Variants in GALNT16 observed in about 807,000 individuals in gnomAD.
GALNT16 encodes polypeptide N-acetylgalactosaminyltransferase 16, also known as UDP-GalNAc:polypeptide N-acetylgalactosaminyltransferase-like protein 1.
Under a neutral mutation model 76.1 loss-of-function variants are expected in GALNT16, and 40 were observed. The observed-to-expected ratio is 0.53, with a 90% CI of 0.41 to 0.68. GALNT16 has a LOEUF of 0.68. Ranked by LOEUF, GALNT16 falls within the 30% of genes least tolerant of loss-of-function variation. The pLI, the probability that GALNT16 is intolerant of heterozygous loss-of-function variation, is 0.00. For synonymous variants in GALNT16, 276 were observed against 285.2 expected (o/e 0.97, Z 0.32); for missense variants, 621 against 731.9 (o/e 0.85, Z 1.75).
intron 1 of GALNT16, among the ~76,000 whole-genome samples, chr14:69,278,475 A>G (rs2140112994): frequency 6.6e-6 from 1 of 152,362 alleles, no homozygotes; most frequent in East Asian, 1.9e-4. Context: ...AAAGGAAATT[A>G]TAGATTCTAT....
At chr14:69,284,656 A>G (rs7140297) in intron 1 of GALNT16, among the ~76,000 whole-genome samples, 87,261 of 152,004 alleles carry the variant, frequency 0.57, 25,506 homozygotes, top group South Asian at 0.76. Context: ...CTGTGTGAAC[A>G]TGGGCAAAGT....
intron 1 of GALNT16, among the ~76,000 whole-genome samples, chr14:69,282,596 C>G (rs1355634518): frequency 6.6e-6 from 1 of 151,534 alleles, no homozygotes; most frequent in African/African-American, 2.4e-5. Context: ...GGCCCTGTAT[C>G]TGCTCTAAGT....
intron 1 of GALNT16, among the ~76,000 whole-genome samples, chr14:69,284,373 G>A (rs753216232): frequency 8.5e-5 from 13 of 152,226 alleles, no homozygotes; most frequent in Non-Finnish European, 1.8e-4. Flanking sequence ...TCCCAGCAGC[G>A]TGTCAGCTCC....
At chr14:69,341,939 G>T (rs538359393) in intron 12 of GALNT16, among the ~76,000 whole-genome samples, 175 bp downstream of exon 12, 1 of 152,172 alleles carries the variant, frequency 6.6e-6, no homozygotes, top group African/African-American at 2.4e-5. Flanking sequence ...ATTACTAGGG[G>T]TTATAAATTA....
chr14:69,325,469 C>A, intron 4 of GALNT16, 65 bp downstream of exon 4: 2 of 951,496 alleles, frequency 2.1e-6, no homozygotes, highest in Non-Finnish European at 3.5e-6. Context: ...CCCAGAACAC[C>A]AAGGCAAGCA....
At chr14:69,294,806 A>G (rs72722132) in intron 1 of GALNT16, among the ~76,000 whole-genome samples, 18,871 of 151,944 alleles carry the variant, frequency 0.12, 1,362 homozygotes, top group East Asian at 0.31. Context: ...CTGGATTTGA[A>G]CTCCTAGGCT....
intron 1 of GALNT16, among the ~76,000 whole-genome samples, chr14:69,273,034 A>G (rs1175429853): frequency 2.6e-5 from 4 of 152,238 alleles, no homozygotes; most frequent in African/African-American, 4.8e-5. Context: ...ATCCTAGTTT[A>G]CCTTGACTTC....
intron 1 of GALNT16, among the ~76,000 whole-genome samples, chr14:69,281,417 G>C (rs998925108): frequency 4.6e-5 from 7 of 152,172 alleles, no homozygotes; most frequent in African/African-American, 1.7e-4. Context: ...TTCAGCTCCA[G>C]ACCTTGTTAG....
chr14:69,324,706 C>T lies in GALNT16; in HGVS notation c.350C>T (p.Ser117Phe). Residue 117 changes from serine to phenylalanine, a missense_variant, in exon 3 of 15, where the codon TCC becomes TTC. Physicochemically the swap from Ser to Phe is radical, Grantham distance 155. Transcript: ENST00000448469. ...DTRHYSCPSV[S>F]YSSDLPATSV... Reference sequence around the variant, plus strand: ...TCCCTTCTCAGCTGCCCATCTGTGTCCTACTCCTCGGACCTGCCAGCCACC... The same window carrying T: ...TCCCTTCTCAGCTGCCCATCTGTGTTCTACTCCTCGGACCTGCCAGCCACC... The T allele has an allele frequency of 6.2e-7, 1 of 1,610,198 alleles. No individual in the cohort carries two copies. The highest frequency in any genetic ancestry group is 8.5e-7 in the Non-Finnish European group (1 of 1,177,274).
the GALNT16 span, among the ~76,000 whole-genome samples, chr14:69,379,937 T>A: frequency 6.6e-6 from 1 of 151,604 alleles, no homozygotes; most frequent in African/African-American, 2.4e-5. Flanking sequence ...TAATTAAGAT[T>A]CATTTAATTA....
In GALNT16 at chr14:69,297,612, A is replaced by G. The variant is rs936869540; in HGVS notation, c.178-23099A>G. On this transcript the variant is annotated intron_variant, in intron 1 of 14. Coordinates refer to ENST00000448469, the MANE Select transcript of GALNT16 (RefSeq NM_001168368.2). ...AGTATTTTTTTCTAATTGCATTAGT[A>G]TTATGTATTTGGAAAAGCCAAAAAA... is the stretch of plus-strand genomic sequence containing the variant. Among the ~76,000 whole-genome samples, 6 of 138,840 alleles carry G rather than the reference A, an allele frequency of 4.3e-5. No homozygotes were observed. In the Admixed American group the frequency reaches 4.7e-4, roughly 11 times the overall value. 91.1% of individuals were successfully genotyped at this position (138,840 alleles called of 152,430 possible).
At chr14:69,264,815 C>CTTTTTTTTTTTTTTTTT (rs1436985515) in intron 1 of GALNT16, among the ~76,000 whole-genome samples, 3 of 44,950 alleles carry the variant, frequency 6.7e-5, no homozygotes, top group African/African-American at 4.3e-4. Context: ...TTTTCTTTTT[C>CTTTTTTTTTTTTTTTTT]TTTCTTTTTT....
At chr14:69,363,280 C>A in the GALNT16 span, among the ~76,000 whole-genome samples, 1 of 152,148 alleles carries the variant, frequency 6.6e-6, no homozygotes, top group East Asian at 1.9e-4. Flanking sequence ...GTCACGCTGC[C>A]GAGAAGGACC....
At chr14:69,350,979 C>T (rs1393279954) in intron 14 of GALNT16, 1 of 152,386 alleles carries the variant, frequency 6.6e-6, no homozygotes, top group African/African-American at 2.4e-5. Flanking sequence ...TAATGTTCTA[C>T]AGGAGCAACT....
chr14:69,317,954 G>T (rs956658377), intron 1 of GALNT16, among the ~76,000 whole-genome samples: 1 of 152,214 alleles, frequency 6.6e-6, no homozygotes, highest in East Asian at 1.9e-4. Context: ...AGGCCAGAGA[G>T]AGCTGAGGAG....
chr14:69,369,575 T>C, the GALNT16 span, among the ~76,000 whole-genome samples: 1 of 151,794 alleles, frequency 6.6e-6, no homozygotes, highest in Admixed American at 6.6e-5. Context: ...GGGAACGGAG[T>C]GGTTAACTTT....
chr14:69,361,523 T>G (rs573926387), downstream of GALNT16, among the ~76,000 whole-genome samples: 9 of 152,348 alleles, frequency 5.9e-5, no homozygotes, highest in South Asian at 1.9e-3. Flanking sequence ...GACATGTTTG[T>G]ACTGTTATCC....
chr14:69,383,362 T>C, the GALNT16 span, among the ~76,000 whole-genome samples: 14 of 152,208 alleles, frequency 9.2e-5, no homozygotes, highest in Non-Finnish European at 1.9e-4. Context: ...GTCACTGCCA[T>C]GTAAATTTAA....
chr14:69,279,596 C>G (rs930705416), intron 1 of GALNT16, among the ~76,000 whole-genome samples: 1 of 152,374 alleles, frequency 6.6e-6, no homozygotes, highest in Admixed American at 6.5e-5. Context: ...TCAAGTTGCT[C>G]AGCCCTGTAA....
Sources: gnomAD v4.1 joint callset for allele counts (sites outside exome capture counted in the v4.1 genomes callset) on GRCh38, gnomAD v4.1.1 for gene constraint, MANE v1.5 for transcripts, NCBI Gene and HGNC (gene_info 2026-07-23, HGNC 2026-07-21) for gene names.